Variants in LMNA observed in about 807,000 individuals in gnomAD.
LMNA encodes lamin.
LMNA carries 20 observed loss-of-function variants against 70.4 expected under a neutral mutation model. That is an observed-to-expected ratio of 0.28 (90% confidence interval 0.20 to 0.41). The LOEUF is 0.41. Among genes scored for constraint, LMNA ranks in the 10% least tolerant of loss-of-function variants. The pLI is 1.00. For missense variants in LMNA, 652 were observed against 917.2 expected (o/e 0.71, Z 3.73); for synonymous variants, 339 against 372.8 (o/e 0.91, Z 1.04).
rs1206051389 is a variant in LMNA at position 156,126,726 on chromosome 1, C to G, written c.357-3891C>G. Reference sequence around the variant, plus strand: ...TCCCCACCCCCTCTCTTCCCTCTTTCTGAGATCAGATTTGCCAGTGATGGG... The same window carrying G: ...TCCCCACCCCCTCTCTTCCCTCTTTGTGAGATCAGATTTGCCAGTGATGGG... On this transcript the variant is annotated intron_variant, in intron 1 of 11. Transcript: ENST00000368300. 10 of 1,559,468 alleles carry G rather than the reference C, an allele frequency of 6.4e-6. No individual in the cohort carries two copies. The East Asian group carries it at 2.1e-4, about 34-fold the overall frequency.
At chr1:156,098,411 T>C (rs1649020546) in intron 3 of LMNA, among the ~76,000 whole-genome samples, 1 of 152,168 alleles carries the variant, frequency 6.6e-6, no homozygotes, top group South Asian at 2.1e-4. Flanking sequence ...GGGAGTCAGG[T>C]AGATGAACAG....
intron 2 of LMNA, among the ~76,000 whole-genome samples, chr1:156,087,200 T>C (rs1306139840): frequency 6.6e-6 from 1 of 152,066 alleles, no homozygotes; most frequent in East Asian, 1.9e-4. Flanking sequence ...AGCTGAGCCT[T>C]CTCTCCCATG....
chr1:156,137,364 C>T lies in LMNA; in HGVS notation c.1608+132C>T. On this transcript the variant is annotated intron_variant, in intron 9 of 11. Coordinates refer to ENST00000368300, the MANE Select transcript of LMNA (RefSeq NM_170707.4). This position sits in a 1 kb window ranked among gnomAD's most constrained non-coding sequence, Gnocchi z 4.6. ...AGAGCTCTCTGTTGCAGGCTCCAGA[C>T]TTCTCCACCCAGTAGGCAAACCAAA... 8.2e-7 allele frequency: 1 copy of T among 1,213,328 alleles called. No homozygotes were observed. The highest frequency in any genetic ancestry group is 1.2e-6 in the Non-Finnish European group (1 of 856,802). 75.2% of individuals were successfully genotyped at this position (1,213,328 alleles called of 1,614,324 possible).
At chr1:156,105,610 G>A (rs1649303667) in intron 3 of LMNA, among the ~76,000 whole-genome samples, 1 of 152,196 alleles carries the variant, frequency 6.6e-6, no homozygotes, top group African/African-American at 2.4e-5. Context: ...GGACTGGAGT[G>A]GATTCACCAG....
chr1:156,111,862 C>T (rs916774002), upstream of LMNA, among the ~76,000 whole-genome samples: 1 of 152,232 alleles, frequency 6.6e-6, no homozygotes, highest in African/African-American at 2.4e-5. Context: ...CTCCCATCAC[C>T]TCTCACCTCC....
At position 156,135,404 on chromosome 1, in the gene LMNA, G is replaced by A; in HGVS notation, c.936+92G>A. On this transcript the variant is annotated intron_variant, in intron 5 of 11. Coordinates refer to ENST00000368300, the MANE Select transcript of LMNA (RefSeq NM_170707.4). This position sits in a 1 kb window ranked among gnomAD's most constrained non-coding sequence, Gnocchi z 4.8. ...AGGGTTGGGGGTGGGGGTGGGGGTG[G>A]GAGGTTCCTGAGGAGGAGAGGGATG... is the stretch of plus-strand genomic sequence containing the variant. 7.1e-7 allele frequency: 1 copy of A among 1,413,680 alleles called. No individual in the cohort carries two copies. The highest frequency in any genetic ancestry group is 9.7e-7 in the Non-Finnish European group (1 of 1,031,808). 87.6% of individuals were successfully genotyped at this position (1,413,680 alleles called of 1,614,324 possible). A position where few individuals can be genotyped will look rare whatever the true frequency, so the allele number is the denominator to read the frequency against.
intron 2 of LMNA, among the ~76,000 whole-genome samples, chr1:156,084,230 C>T (rs1210628363): frequency 3.3e-5 from 5 of 150,616 alleles, no homozygotes; most frequent in Non-Finnish European, 7.4e-5. Flanking sequence ...GCCTTGAGGG[C>T]TGAGCTGTTT....
chr1:156,117,130 A>G (rs1013544735), intron 1 of LMNA, among the ~76,000 whole-genome samples: 185 of 134,534 alleles, frequency 1.4e-3, no homozygotes, highest in Non-Finnish European at 2.1e-3. Flanking sequence ...GGGTTTCACC[A>G]TGTTGGCTAG....
At chr1:156,116,446 C>T (rs1398377337) in intron 1 of LMNA, among the ~76,000 whole-genome samples, 1 of 150,324 alleles carries the variant, frequency 6.7e-6, no homozygotes, top group East Asian at 2.0e-4. Flanking sequence ...TGTTTCCCTT[C>T]TTCCTGCCTT....
chr1:156,115,197 C>T lies in LMNA; in HGVS notation c.279C>T (p.Asp93=). 6.2e-7 allele frequency: 1 copy of T among 1,613,240 alleles called. No individual in the cohort carries two copies. The highest frequency in any genetic ancestry group is 8.5e-7 in the Non-Finnish European group (1 of 1,179,798). ...AELGDARKTL[D]SVAKERARLQ... ...TCGGGGATGCCCGCAAGACCCTTGACTCAGTAGCCAAGGAGCGCGCCCGCC... is the reference window on the plus strand; with the variant it reads ...TCGGGGATGCCCGCAAGACCCTTGATTCAGTAGCCAAGGAGCGCGCCCGCC... The change falls in exon 1 of 12, where the codon GAC becomes GAT. Residue 93 remains aspartate (D), a synonymous_variant. Transcript: ENST00000368300. The surrounding 1 kb of genome is among the most constrained non-coding windows in gnomAD (Gnocchi z 5.8).
chr1:156,084,338 T>TGGGGG (rs1402443513), intron 2 of LMNA, among the ~76,000 whole-genome samples: 1 of 69,544 alleles, frequency 1.4e-5, no homozygotes, highest in Non-Finnish European at 2.5e-5. Context: ...CGGGGGGTGG[T>TGGGGG]GGGGGCAGTT....
intron 2 of LMNA, among the ~76,000 whole-genome samples, chr1:156,086,602 C>T (rs2102785487): frequency 6.6e-6 from 1 of 152,298 alleles, no homozygotes; most frequent in African/African-American, 2.4e-5. Context: ...ATGATCCAGA[C>T]TGTGTGCTTG....
At chr1:156,132,257 G>A (rs1002349871) in intron 2 of LMNA, among the ~76,000 whole-genome samples, 41 of 152,050 alleles carry the variant, frequency 2.7e-4, no homozygotes, top group Admixed American at 2.5e-3. Context: ...ATCACCTGAG[G>A]TTAGGAGTTC....
At position 156,137,556 on chromosome 1, in the gene LMNA, C is replaced by A; in HGVS notation, c.1609-98C>A. 1 of 1,125,318 alleles carries A rather than the reference C, an allele frequency of 8.9e-7. No individual in the cohort carries two copies. Among genetic ancestry groups the A allele is most frequent in the Non-Finnish European group, 1.3e-6 (1 of 766,596 alleles). The allele number at this position is 1,125,318 out of a possible 1,614,324, so 69.7% of individuals were successfully genotyped here. ...AGTAAGCAGCAGGCCGGACAAAGGG[C>A]AGGCCACAAGAAAAGTTGCAGGTGG... is the stretch of plus-strand genomic sequence containing the variant. On this transcript the variant is annotated intron_variant, in intron 9 of 11. Coordinates refer to ENST00000368300, the MANE Select transcript of LMNA (RefSeq NM_170707.4). The surrounding 1 kb of genome is among the most constrained non-coding windows in gnomAD (Gnocchi z 4.6).
At chr1:156,118,120 GACGCCAGGCCTGTCTTTTTTCT>G (rs1649965584) in intron 1 of LMNA, among the ~76,000 whole-genome samples, 1 of 152,032 alleles carries the variant, frequency 6.6e-6, no homozygotes, top group Non-Finnish European at 1.5e-5. Flanking sequence ...CACCAGGCCT[GACGCCAGGCCTGTCTTTTTTCT>G]ACTAGTGATA....
intron 3 of LMNA, among the ~76,000 whole-genome samples, chr1:156,109,228 A>G (rs1026118973): frequency 2.6e-5 from 4 of 152,154 alleles, no homozygotes; most frequent in African/African-American, 9.7e-5. Flanking sequence ...TCCTGGCTTC[A>G]TCACTGGGCT....
intron 1 of LMNA, among the ~76,000 whole-genome samples, chr1:156,120,591 G>A (rs544237601): frequency 7.0e-4 from 107 of 152,310 alleles, no homozygotes; most frequent in African/African-American, 2.5e-3. Flanking sequence ...GTCAACACCT[G>A]TAGTCCAGCT....
chr1:156,114,763 G>C lies in LMNA; in HGVS notation c.-156G>C, dbSNP rs1558115519. On this transcript the variant is annotated 5_prime_UTR_variant, in exon 1 of 12. Transcript: ENST00000368300. ...CCAGCCAACCCAGATCCCGAGGTCCGACAGCGCCCGGCCCAGATCCCCACG... is the reference window on the plus strand; with the variant it reads ...CCAGCCAACCCAGATCCCGAGGTCCCACAGCGCCCGGCCCAGATCCCCACG... 2 of 604,366 alleles carry C rather than the reference G, an allele frequency of 3.3e-6. No individual in the cohort carries two copies. The highest frequency in any genetic ancestry group is 4.2e-5 in the South Asian group (2 of 47,882). The allele number at this position is 604,366 out of a possible 1,614,324, so 37.4% of individuals were successfully genotyped here. A position where few individuals can be genotyped will look rare whatever the true frequency, so the allele number is the denominator to read the frequency against.
rs1282998271 is a variant in LMNA at position 156,096,808 on chromosome 1, G to A, written c.-207+6226G>A. ...CCAGCAGGTGGCGCCAGGGCCTGTC[G>A]GTCTCTCCCCTTGGCCACCTCCCTT... On this transcript the variant is annotated intron_variant, in intron 3 of 12. Transcript: ENST00000368301. Among the ~76,000 whole-genome samples, 11 of 152,328 alleles carry A rather than the reference G, an allele frequency of 7.2e-5. No homozygotes were observed. The South Asian group carries it at 1.0e-3, about 14-fold the overall frequency.
Sources: allele counts gnomAD v4.1 joint callset (sites outside exome capture counted in the v4.1 genomes callset), GRCh38; gene constraint gnomAD v4.1.1; non-coding constraint Gnocchi (gnomAD v3.1); transcripts MANE v1.5; gene names NCBI Gene and HGNC (gene_info 2026-07-23, HGNC 2026-07-21).